The following TRIM9 variants were observed in gnomAD, a reference collection of about 807,000 sequenced individuals.
TRIM9 encodes the protein E3 ubiquitin-protein ligase TRIM9.
A neutral mutation model predicts 78.3 loss-of-function variants in TRIM9; 26 were observed. The observed-to-expected ratio is 0.33, with a 90% CI of 0.24 to 0.46. The LOEUF (loss-of-function observed/expected upper bound fraction) is 0.46, where lower values mean the gene tolerates loss of function less well. Ranked by LOEUF, TRIM9 falls within the 20% of genes least tolerant of loss-of-function variation. The pLI, the probability that TRIM9 is intolerant of heterozygous loss-of-function variation, is 1.00. For synonymous variants in TRIM9, 398 were observed against 416.5 expected, an observed-to-expected ratio of 0.96 and a Z score of 0.54; for missense variants, 787 against 1,036.4, an observed-to-expected ratio of 0.76 and a Z score of 3.30.
Position 51,022,928 on chromosome 14 carries a change from C to A in TRIM9, c.948G>T (p.Leu316=). The change falls in exon 3 of 13, where the codon CTG becomes CTT. Residue 316 remains leucine, a synonymous_variant. Transcript: ENST00000684578. ...QENSVEFEAC[L]VAQCDALIDA... The stretch of plus-strand genomic sequence containing the variant: ...CGATGAGGGCATCACATTGGGCCAC[C>A]AGACAGGCTTCAAACTCCACACTGT... 6.2e-7 allele frequency: 1 copy of A among 1,614,134 alleles called. No individual in the cohort carries two copies. Among genetic ancestry groups the A allele is most frequent in the Non-Finnish European group, 8.5e-7 (1 of 1,180,018 alleles).
chr14:51,088,639 C>G (rs150884250), intron 1 of TRIM9, among the ~76,000 whole-genome samples: 1 of 149,496 alleles, frequency 6.7e-6, no homozygotes, highest in Non-Finnish European at 1.5e-5. Context: ...GGAGTAATTT[C>G]GAGTTGGTAA....
chr14:51,054,340 T>A (rs1283335056), intron 1 of TRIM9, among the ~76,000 whole-genome samples: 1 of 152,272 alleles, frequency 6.6e-6, no homozygotes, highest in East Asian at 1.9e-4. Context: ...TGGCTCCATC[T>A]TGGCTCACTG....
intron 3 of TRIM9, among the ~76,000 whole-genome samples, chr14:51,015,228 G>A (rs930331041): frequency 2.0e-5 from 3 of 152,168 alleles, no homozygotes; most frequent in Admixed American, 1.3e-4. Flanking sequence ...GTAGCACAGA[G>A]CAACTCAGGA....
At chr14:51,068,346 C>CAACA (rs1566632949) in intron 1 of TRIM9, among the ~76,000 whole-genome samples, 1 of 131,376 alleles carries the variant, frequency 7.6e-6, no homozygotes, top group Non-Finnish European at 1.7e-5. Flanking sequence ...AAAACAAAAA[C>CAACA]AAAAACAAAA....
At chr14:51,084,115 A>G (rs2063547880) in intron 1 of TRIM9, among the ~76,000 whole-genome samples, 1 of 152,226 alleles carries the variant, frequency 6.6e-6, no homozygotes, top group Non-Finnish European at 1.5e-5. Context: ...CAACAGTTTT[A>G]GTAAGAGTCT....
Position 51,050,016 on chromosome 14 carries a change from A to G in TRIM9, c.823-24656T>C, listed in dbSNP as rs576304247. Among the ~76,000 whole-genome samples the G allele has an allele frequency of 2.1e-4, 32 of 152,192 alleles. 1 individual carries two copies. Among genetic ancestry groups the G allele is most frequent in the African/African-American group, 7.2e-4 (30 of 41,502 alleles). The stretch of plus-strand genomic sequence containing the variant: ...TCACATAGGGATTTGTAGGCAAGAA[A>G]TTTTGGAAGTAAACGATGCAGAGCC... On this transcript the variant is annotated intron_variant, in intron 1 of 12. Transcript: ENST00000684578.
intron 1 of TRIM9, among the ~76,000 whole-genome samples, chr14:51,044,593 A>C (rs2059806379): frequency 1.3e-5 from 2 of 152,178 alleles, no homozygotes. Context: ...ACCATGAGGC[A>C]ACTTAGAGAA....
intron 3 of TRIM9, among the ~76,000 whole-genome samples, chr14:51,020,387 A>G (rs752001286): frequency 9.9e-5 from 15 of 152,146 alleles, no homozygotes; most frequent in Non-Finnish European, 2.1e-4. Context: ...AGAAAAACAA[A>G]TCATTCGAGA....
intron 1 of TRIM9, among the ~76,000 whole-genome samples, chr14:51,039,066 ATTTAGAAGGCCTTACCAGGCC>A (rs2059384410): frequency 6.6e-6 from 1 of 152,216 alleles, no homozygotes; most frequent in South Asian, 2.1e-4. Context: ...CAAGATCTGA[ATTTAGAAGGCCTTACCAGGCC>A]TTTACAACAC....
intron 5 of TRIM9, among the ~76,000 whole-genome samples, chr14:51,004,298 G>A (rs1463700239): frequency 1.3e-5 from 2 of 152,194 alleles, no homozygotes; most frequent in Non-Finnish European, 2.9e-5. Flanking sequence ...TATTCTCACT[G>A]ACTTCCTTGA....
At chr14:50,980,674 G>T (rs2051753838) in intron 11 of TRIM9, among the ~76,000 whole-genome samples, 1 of 152,220 alleles carries the variant, frequency 6.6e-6, no homozygotes, top group South Asian at 2.1e-4. Context: ...TGTGGCATTT[G>T]GGTGATAGCA....
intron 3 of TRIM9, among the ~76,000 whole-genome samples, chr14:51,018,404 G>A (rs575007861): frequency 6.7e-6 from 1 of 150,088 alleles, no homozygotes; most frequent in South Asian, 2.1e-4. Flanking sequence ...CTGAATCAAA[G>A]GATTATTTGC....
At chr14:51,068,870 G>T (rs1044916721) in intron 1 of TRIM9, among the ~76,000 whole-genome samples, 3 of 152,176 alleles carry the variant, frequency 2.0e-5, no homozygotes, top group Non-Finnish European at 2.9e-5. Context: ...CCTTAGCAAT[G>T]ATTTGTTAAG....
At chr14:51,050,201 G>C (rs1332197860) in intron 1 of TRIM9, among the ~76,000 whole-genome samples, 1 of 152,170 alleles carries the variant, frequency 6.6e-6, no homozygotes, top group African/African-American at 2.4e-5. Flanking sequence ...AAATGTGCCT[G>C]ATATGGTTTG....
chr14:50,980,011 T>C (rs1191500756), intron 11 of TRIM9, among the ~76,000 whole-genome samples: 1 of 152,234 alleles, frequency 6.6e-6, no homozygotes, highest in Non-Finnish European at 1.5e-5. Context: ...TATCATTAAA[T>C]ACAAAGTGAC....
intron 5 of TRIM9, among the ~76,000 whole-genome samples, chr14:51,002,309 T>C (rs1165910203): frequency 1.3e-5 from 2 of 150,806 alleles, no homozygotes; most frequent in Non-Finnish European, 3.0e-5. Flanking sequence ...TTCTTTTTGG[T>C]ATTTTTAGTA....
At chr14:51,026,757 G>C (rs577666997) in intron 1 of TRIM9, among the ~76,000 whole-genome samples, 2 of 152,264 alleles carry the variant, frequency 1.3e-5, no homozygotes, top group African/African-American at 4.8e-5. Flanking sequence ...AAGAATATAG[G>C]TTTGAAAGGG....
intron 5 of TRIM9, among the ~76,000 whole-genome samples, chr14:51,005,937 T>C (rs902682826): frequency 6.6e-6 from 1 of 152,206 alleles, no homozygotes; most frequent in Non-Finnish European, 1.5e-5. Flanking sequence ...CTTTAGATAG[T>C]GCATTCTTGC....
At position 50,982,091 on chromosome 14, in the gene TRIM9, G is replaced by T; in HGVS notation, c.1871C>A (p.Ala624Asp). ...IKKLLAVAWF[A>D]FDPGSAHSDI... Reference sequence around the variant, plus strand: ...CGAGTGCGCCGAGCCAGGGTCGAAAGCAAACCAGGCCACTGGGAACAACAG... The same window carrying T: ...CGAGTGCGCCGAGCCAGGGTCGAAATCAAACCAGGCCACTGGGAACAACAG... Residue 624 changes from alanine to aspartate, a missense_variant, in exon 11 of 13, where the codon GCT becomes GAT. Ala to Asp is a moderately radical substitution (Grantham distance 126). Coordinates refer to ENST00000684578, the MANE Select transcript of TRIM9 (RefSeq NM_001387360.1). 1 of 1,613,882 alleles carries T rather than the reference G, an allele frequency of 6.2e-7. No individual in the cohort carries two copies. Among genetic ancestry groups the T allele is most frequent in the Non-Finnish European group, 8.5e-7 (1 of 1,179,802 alleles).
Sources: gnomAD v4.1 joint callset for allele counts (sites outside exome capture counted in the v4.1 genomes callset) on GRCh38, gnomAD v4.1.1 for gene constraint, MANE v1.5 for transcripts, NCBI Gene and HGNC (gene_info 2026-07-23, HGNC 2026-07-21) for gene names.